UST: variants seen among roughly 807,000 people sequenced by gnomAD.
UST encodes the protein uronyl 2-sulfotransferase.
In UST, 21 loss-of-function variants were observed where a neutral mutation model predicts 45.6. The ratio of observed to expected loss-of-function variants is 0.46; its 90% CI spans 0.33 to 0.66. UST has a LOEUF of 0.66. UST is among the 30% of genes least tolerant of loss of function. UST has a pLI of 0.02. For missense variants in UST, 463 were observed against 512.4 expected (o/e 0.90, Z 0.93); for synonymous variants, 215 against 200.6 (o/e 1.07, Z -0.61).
chr6:148,980,731 T>A (rs1781115113), intron 5 of UST, among the ~76,000 whole-genome samples: 1 of 152,164 alleles, frequency 6.6e-6, no homozygotes, highest in South Asian at 2.1e-4. Flanking sequence ...TTTTTCTTCT[T>A]TTTTTGAGAC....
At chr6:148,863,850 A>C (rs1582860869) in intron 1 of UST, among the ~76,000 whole-genome samples, 1 of 152,144 alleles carries the variant, frequency 6.6e-6, no homozygotes, top group East Asian at 1.9e-4. Flanking sequence ...TTCCTGCCTG[A>C]TCCTTCTTCT....
intron 1 of UST, among the ~76,000 whole-genome samples, chr6:148,780,535 G>C (rs995406594): frequency 5.3e-5 from 8 of 152,074 alleles, no homozygotes; most frequent in African/African-American, 1.7e-4. Context: ...GAGAACATGT[G>C]GTATTTGGTT....
At chr6:148,849,477 A>T (rs1778063923) in intron 1 of UST, among the ~76,000 whole-genome samples, 1 of 152,164 alleles carries the variant, frequency 6.6e-6, no homozygotes, top group South Asian at 2.1e-4. Flanking sequence ...TGAGAAAAAA[A>T]TGCCTCTTTT....
chr6:148,804,588 G>A (rs1045891924), intron 1 of UST, among the ~76,000 whole-genome samples: 6 of 152,164 alleles, frequency 3.9e-5, no homozygotes, highest in African/African-American at 7.2e-5. Flanking sequence ...AAGGCTTTCT[G>A]GAAGTGTGTT....
At chr6:148,884,384 G>A (rs73778936) in intron 1 of UST, among the ~76,000 whole-genome samples, 17,671 of 152,010 alleles carry the variant, frequency 0.12, 1,142 homozygotes, top group Non-Finnish European at 0.12. Flanking sequence ...AGAGAAAGAC[G>A]GTAAACAAGT....
intron 1 of UST, among the ~76,000 whole-genome samples, chr6:148,777,392 G>A (rs1776554876): frequency 6.6e-6 from 1 of 152,328 alleles, no homozygotes; most frequent in African/African-American, 2.4e-5. Context: ...ACACATAAAA[G>A]ATTCGTTTTG....
At position 148,799,050 on chromosome 6, in the gene UST, C is replaced by T. The variant is rs151235884; in HGVS notation, c.247+51373C>T. 3.2e-4 allele frequency among the ~76,000 whole-genome samples: 49 copies of T among 151,960 alleles called. 1 individual carries two copies. In the East Asian group the frequency reaches 6.0e-3, roughly 19 times the overall value. ...ATGCCCGGCTAATTTTTGTATTTTT[C>T]GTACAGACGGGGTTTTGCCATGTCA... On this transcript the variant is annotated intron_variant, in intron 1 of 7. Coordinates refer to ENST00000367463, the MANE Select transcript of UST (RefSeq NM_005715.3).
chr6:149,048,340 C>T (rs934874767), intron 7 of UST, among the ~76,000 whole-genome samples: 2 of 151,840 alleles, frequency 1.3e-5, no homozygotes, highest in African/African-American at 4.8e-5. Flanking sequence ...GTCAGGAGTT[C>T]GAGACCAGCC....
chr6:148,906,557 G>A (rs1779364376), intron 2 of UST, among the ~76,000 whole-genome samples: 1 of 152,182 alleles, frequency 6.6e-6, no homozygotes, highest in Non-Finnish European at 1.5e-5. Flanking sequence ...GATGTTATTA[G>A]CTTGACTGCC....
chr6:148,821,875 C>G (rs1197834769), intron 1 of UST, among the ~76,000 whole-genome samples: 1 of 152,214 alleles, frequency 6.6e-6, no homozygotes, highest in Non-Finnish European at 1.5e-5. Context: ...TATTCCATTA[C>G]TATCAGCATT....
chr6:148,949,062 G>A (rs10872626), intron 3 of UST, among the ~76,000 whole-genome samples: 53,410 of 151,846 alleles, frequency 0.35, 9,915 homozygotes, highest in South Asian at 0.46. Context: ...AGGCCAAGGC[G>A]GGTGGATCAC....
chr6:148,792,023 A>G (rs1172749309), intron 1 of UST, among the ~76,000 whole-genome samples: 4 of 152,190 alleles, frequency 2.6e-5, no homozygotes, highest in African/African-American at 4.8e-5. Flanking sequence ...CCAAGAGGAA[A>G]GAGATTGTAA....
intron 1 of UST, among the ~76,000 whole-genome samples, chr6:148,783,696 C>T (rs371339461): frequency 4.6e-5 from 7 of 152,330 alleles, no homozygotes; most frequent in African/African-American, 1.7e-4. Flanking sequence ...TTCTCAACCC[C>T]TAAGCATGTT....
chr6:148,800,626 A>T (rs983322348), intron 1 of UST, among the ~76,000 whole-genome samples: 12 of 151,984 alleles, frequency 7.9e-5, no homozygotes, highest in Non-Finnish European at 1.5e-4. Flanking sequence ...TATTTGTATC[A>T]TCTCTGATTC....
intron 5 of UST, among the ~76,000 whole-genome samples, chr6:148,969,325 T>A (rs1780867046): frequency 6.6e-6 from 1 of 152,232 alleles, no homozygotes; most frequent in Non-Finnish European, 1.5e-5. Context: ...GTTTTCCAAA[T>A]ACGTGACGGT....
chr6:148,994,360 T>A (rs1175328875), intron 5 of UST, among the ~76,000 whole-genome samples: 1 of 152,198 alleles, frequency 6.6e-6, no homozygotes, highest in Non-Finnish European at 1.5e-5. Flanking sequence ...TATAAATTAA[T>A]GAAAAACAAT....
At chr6:149,072,527 C>T (rs1358865104) in intron 7 of UST, among the ~76,000 whole-genome samples, 1 of 151,998 alleles carries the variant, frequency 6.6e-6, no homozygotes, top group Non-Finnish European at 1.5e-5. Flanking sequence ...GTGGTGCATG[C>T]CTGTAATCTC....
chr6:149,037,175 T>A (rs1263860032), intron 7 of UST, among the ~76,000 whole-genome samples: 1 of 152,160 alleles, frequency 6.6e-6, no homozygotes, highest in Non-Finnish European at 1.5e-5. Flanking sequence ...TGAAGGCTCG[T>A]CTGCCGCAGC....
chr6:148,899,544 G>C (rs191574275), intron 2 of UST, among the ~76,000 whole-genome samples: 1 of 152,118 alleles, frequency 6.6e-6, no homozygotes, highest in South Asian at 2.1e-4. Flanking sequence ...ATGCCACCAC[G>C]CAAGGGCAAC....
Sources: allele counts gnomAD v4.1 joint callset (sites outside exome capture counted in the v4.1 genomes callset), GRCh38; gene constraint gnomAD v4.1.1; transcripts MANE v1.5; gene names NCBI Gene and HGNC (gene_info 2026-07-23, HGNC 2026-07-21).